The following DNM3 variants were observed in gnomAD, a reference collection of about 807,000 sequenced individuals.
The protein encoded by DNM3 is dynamin-3.
Under a neutral mutation model 101.6 loss-of-function variants are expected in DNM3, and 47 were observed. The observed-to-expected ratio is 0.46, with a 90% CI of 0.37 to 0.59. DNM3 has a LOEUF of 0.59. Among genes scored for constraint, DNM3 ranks in the 20% least tolerant of loss-of-function variants. The pLI, the probability that DNM3 is intolerant of heterozygous loss-of-function variation, is 0.00. For missense variants in DNM3, 849 were observed against 1,085.7 expected (o/e 0.78, Z 3.06); for synonymous variants, 385 against 387.9 (o/e 0.99, Z 0.09).
intron 14 of DNM3, among the ~76,000 whole-genome samples, chr1:172,145,324 GTCTCTC>G (rs535746382): frequency 7.8e-5 from 11 of 140,872 alleles, no homozygotes; most frequent in Admixed American, 1.4e-4. Context: ...CTGTCTGTCT[GTCTCTC>G]TCTCTCTCTC....
At chr1:171,841,903 A>G in intron 1 of DNM3, 86 bp downstream of exon 1, 1 of 1,309,568 alleles carries the variant, frequency 7.6e-7, no homozygotes, top group Non-Finnish European at 9.9e-7. Flanking sequence ...AGCGGGAGCC[A>G]GAGGGTGGAT....
intron 1 of DNM3, among the ~76,000 whole-genome samples, chr1:171,921,117 C>CTT (rs71299441): frequency 3.2e-4 from 46 of 142,412 alleles, no homozygotes; most frequent in East Asian, 2.7e-3. Flanking sequence ...TTTTTTTTTT[C>CTT]TTTTTTTTTT....
chr1:172,261,504 G>C (rs2062645894), intron 15 of DNM3, among the ~76,000 whole-genome samples: 1 of 152,230 alleles, frequency 6.6e-6, no homozygotes, highest in Admixed American at 6.5e-5. Context: ...TTAGGCCCCA[G>C]GCCAGTGTGC....
At chr1:171,900,838 G>A (rs1046397551) in intron 1 of DNM3, among the ~76,000 whole-genome samples, 9 of 152,044 alleles carry the variant, frequency 5.9e-5, no homozygotes, top group African/African-American at 1.9e-4. Flanking sequence ...GGCCGGGCGC[G>A]GTGGCTCCGC....
chr1:172,322,951 C>T (rs943855026), intron 16 of DNM3, among the ~76,000 whole-genome samples: 1 of 152,052 alleles, frequency 6.6e-6, no homozygotes, highest in African/African-American at 2.4e-5. Flanking sequence ...AGCCGGCACA[C>T]AAAATGCTCT....
chr1:171,866,968 A>G (rs1047655510), intron 1 of DNM3, among the ~76,000 whole-genome samples: 1 of 152,224 alleles, frequency 6.6e-6, no homozygotes, highest in Non-Finnish European at 1.5e-5. Context: ...TTGCTTTAAA[A>G]GCTGCTTTTA....
In DNM3 at chr1:171,988,939, A is replaced by G. The variant is rs1308328909; in HGVS notation, c.386-6A>G. The G allele has an allele frequency of 1.3e-6, 2 of 1,576,458 alleles. No individual in the cohort carries two copies. Among genetic ancestry groups the G allele is most frequent in the East Asian group, 2.3e-5 (1 of 43,484 alleles). ...TATGTAAGACTCCTTTATCCTTTCC[A>G]CACAGTGTTAAATCTAACCCTTATT... is the stretch of plus-strand genomic sequence containing the variant. On this transcript the variant is annotated splice_polypyrimidine_tract_variant and splice_region_variant and intron_variant, in intron 3 of 20. Coordinates refer to ENST00000627582, the MANE Select transcript of DNM3 (RefSeq NM_015569.5).
chr1:172,325,242 C>T (rs1179586256), intron 17 of DNM3, among the ~76,000 whole-genome samples: 1 of 152,110 alleles, frequency 6.6e-6, no homozygotes, highest in Non-Finnish European at 1.5e-5. Context: ...GAAGGCTCTT[C>T]AGGGTCTCCA....
intron 1 of DNM3, among the ~76,000 whole-genome samples, chr1:171,858,654 G>A (rs769117527): frequency 3.9e-5 from 6 of 152,118 alleles, no homozygotes; most frequent in Admixed American, 6.6e-5. Context: ...ATGGTAATCG[G>A]TATTTTTCAG....
intron 1 of DNM3, among the ~76,000 whole-genome samples, chr1:171,857,705 C>T (rs529030921): frequency 1.3e-5 from 2 of 152,246 alleles, no homozygotes; most frequent in South Asian, 4.2e-4. Context: ...TTAGTATTCC[C>T]CACAGTATCT....
chr1:172,144,426 A>G, intron 14 of DNM3: 1 of 249,562 alleles, frequency 4.0e-6, no homozygotes. Context: ...CTTGGTCCCT[A>G]GTGTGCAAAA....
chr1:172,187,771 T>C (rs1242129893), intron 14 of DNM3, among the ~76,000 whole-genome samples: 1 of 152,070 alleles, frequency 6.6e-6, no homozygotes, highest in Non-Finnish European at 1.5e-5. Context: ...TCTCCTTTCC[T>C]ATTTTTCTTC....
At chr1:171,874,777 G>A (rs1311683228) in intron 1 of DNM3, among the ~76,000 whole-genome samples, 1 of 151,408 alleles carries the variant, frequency 6.6e-6, no homozygotes, top group Admixed American at 6.6e-5. Flanking sequence ...AGTGAACATA[G>A]TACCCATAGT....
intron 13 of DNM3, among the ~76,000 whole-genome samples, chr1:172,116,504 G>A (rs1008031227): frequency 3.3e-5 from 5 of 152,180 alleles, no homozygotes; most frequent in Admixed American, 6.5e-5. Flanking sequence ...GTGGACAGGT[G>A]GTGTTGGGGA....
chr1:172,267,625 AT>A (rs1229681425), intron 15 of DNM3, among the ~76,000 whole-genome samples: 1 of 151,956 alleles, frequency 6.6e-6, no homozygotes, highest in Non-Finnish European at 1.5e-5. Context: ...AACGTTTATT[AT>A]TCAAAAATGC....
intron 14 of DNM3, among the ~76,000 whole-genome samples, chr1:172,160,062 T>TA (rs61338593): frequency 0.017 from 1,901 of 110,518 alleles, 38 homozygotes; most frequent in East Asian, 0.11. Context: ...GCATAAAAGA[T>TA]AAAAAAAAAA....
At chr1:172,347,358 G>T (rs528086278) in intron 17 of DNM3, among the ~76,000 whole-genome samples, 2 of 152,094 alleles carry the variant, frequency 1.3e-5, no homozygotes, top group Non-Finnish European at 1.5e-5. Context: ...GAAACAACAG[G>T]CTGTGAAATC....
intron 2 of DNM3, among the ~76,000 whole-genome samples, chr1:171,949,753 TA>T (rs923013230): frequency 2.5e-4 from 38 of 152,084 alleles, no homozygotes; most frequent in African/African-American, 8.9e-4. Flanking sequence ...TTAGTATGTC[TA>T]AAATTAAAAA....
rs1326866285 is a variant in DNM3 at position 172,239,798 on chromosome 1, CTCT to C, written c.1660-13773_1660-13771del. On this transcript the variant is annotated intron_variant, in intron 14 of 20. Coordinates refer to ENST00000627582, the MANE Select transcript of DNM3 (RefSeq NM_015569.5). ...TTTCTCCAGCCCTGTCTTTTTTTTT[CTCT>C]TTTTTTTTTTTTTTTTTTTGTAGTG... 2.8e-3 allele frequency among the ~76,000 whole-genome samples: 298 copies of C among 106,856 alleles called. 9 individuals are homozygous for C. Among genetic ancestry groups the C allele is most frequent in the Non-Finnish European group, 4.2e-3 (236 of 56,546 alleles). The allele number at this position is 106,856 out of a possible 152,430, so 70.1% of individuals were successfully genotyped here. A position where few individuals can be genotyped will look rare whatever the true frequency, so the allele number is the denominator to read the frequency against.
Sources: gnomAD v4.1 joint callset for allele counts (sites outside exome capture counted in the v4.1 genomes callset) on GRCh38, gnomAD v4.1.1 for gene constraint, MANE v1.5 for transcripts, NCBI Gene and HGNC (gene_info 2026-07-23, HGNC 2026-07-21) for gene names.